COL26A1: variants seen among roughly 807,000 people sequenced by gnomAD.
The protein encoded by COL26A1 is collagen type XXVI alpha 1 chain.
COL26A1 carries 41 observed loss-of-function variants against 59.3 expected under a neutral mutation model. The ratio of observed to expected loss-of-function variants is 0.69; its 90% CI spans 0.54 to 0.90. The LOEUF is 0.90. Among genes scored for constraint, COL26A1 ranks in the 40% least tolerant of loss-of-function variants. The pLI, the probability that COL26A1 is intolerant of heterozygous loss-of-function variation, is 0.00. For synonymous variants in COL26A1, 266 were observed against 256.0 expected, an observed-to-expected ratio of 1.04 and a Z score of -0.37; for missense variants, 612 against 602.3, an observed-to-expected ratio of 1.02 and a Z score of -0.17.
At chr7:101,389,377 A>AT (rs71106518) in intron 1 of COL26A1, among the ~76,000 whole-genome samples, 116 of 89,334 alleles carry the variant, frequency 1.3e-3, no homozygotes, top group East Asian at 3.6e-3. Flanking sequence ...TGATTTGCAC[A>AT]TTTTTTTTTT....
intron 3 of COL26A1, among the ~76,000 whole-genome samples, chr7:101,500,616 G>A (rs543442623): frequency 1.3e-5 from 2 of 151,772 alleles, no homozygotes; most frequent in Non-Finnish European, 2.9e-5. Context: ...TCAGGAGTTC[G>A]AGACCAGCCT....
At chr7:101,404,993 G>A (rs1019409239) in intron 1 of COL26A1, among the ~76,000 whole-genome samples, 4 of 152,214 alleles carry the variant, frequency 2.6e-5, no homozygotes, top group African/African-American at 7.2e-5. Context: ...GGAGGCGGAG[G>A]CGGGCAGATC....
In COL26A1 at chr7:101,551,143, C is replaced by T. The variant is rs17135626; in HGVS notation, c.1029C>T (p.Ser343=). ...GAGAGCGAGGCACAGTGGGGCCGTC[C>T]GTAAGTGTGGGCTGTGCAGATGGGC... ...LAGERGTVGP[S]GEPGVKGEEG... Residue 343 remains serine, a splice_region_variant and synonymous_variant, in exon 10 of 13, where the codon TCC becomes TCT. Transcript: ENST00000313669. The T allele has an allele frequency of 0.36, 556,647 of 1,543,694 alleles. 102,696 individuals carry two copies. Among genetic ancestry groups the T allele is most frequent in the African/African-American group, 0.43 (30,978 of 72,138 alleles).
intron 1 of COL26A1, among the ~76,000 whole-genome samples, chr7:101,419,264 G>A (rs373947852): frequency 6.6e-6 from 1 of 151,678 alleles, no homozygotes; most frequent in East Asian, 1.9e-4. Flanking sequence ...GTGCCACCAC[G>A]CCTGGGCTAA....
intron 1 of COL26A1, among the ~76,000 whole-genome samples, chr7:101,392,779 A>G (rs1205888454): frequency 6.6e-6 from 1 of 152,000 alleles, no homozygotes; most frequent in East Asian, 1.9e-4. Flanking sequence ...TAGTTGTCTG[A>G]AATGTGCCTC....
At chr7:101,450,800 GAATATGAATTCCATAGTC>G (rs1793315591) in intron 3 of COL26A1, among the ~76,000 whole-genome samples, 1 of 146,868 alleles carries the variant, frequency 6.8e-6, no homozygotes, top group Non-Finnish European at 1.5e-5. Flanking sequence ...TAGTCTATAT[GAATATGAATTCCATAGTC>G]TATATGAATA....
intron 1 of COL26A1, among the ~76,000 whole-genome samples, chr7:101,394,732 C>CT (rs1791814571): frequency 6.6e-6 from 1 of 151,086 alleles, no homozygotes; most frequent in Non-Finnish European, 1.5e-5. Flanking sequence ...CAACCACACT[C>CT]TTTTCTCTCA....
intron 1 of COL26A1, among the ~76,000 whole-genome samples, chr7:101,394,602 TTG>T (rs1554404840): frequency 1.3e-5 from 2 of 148,502 alleles, no homozygotes; most frequent in African/African-American, 2.5e-5. Flanking sequence ...TTTTTTTTTT[TTG>T]TAGAGATGGG....
At chr7:101,392,488 G>A (rs1343461268) in intron 1 of COL26A1, among the ~76,000 whole-genome samples, 1 of 138,466 alleles carries the variant, frequency 7.2e-6, no homozygotes, top group Non-Finnish European at 1.5e-5. Context: ...TGCAACCTCC[G>A]CCTCCCGGGT....
At chr7:101,464,697 T>C (rs4729716) in intron 3 of COL26A1, among the ~76,000 whole-genome samples, 77,298 of 151,868 alleles carry the variant, frequency 0.51, 20,386 homozygotes, top group African/African-American at 0.64. Context: ...AGGCTTGAGC[T>C]ACCGTGCCCG....
At position 101,510,027 on chromosome 7, in the gene COL26A1, C is replaced by CTTTTTTTTTTTTTTTTTTTTTTTTTTTT. The variant is rs3073374; in HGVS notation, c.386-23041_386-23040insTTTTTTTTTTTTTTTTTTTTTTTTTTTT. On this transcript the variant is annotated intron_variant, in intron 3 of 12. Coordinates refer to ENST00000313669, the MANE Select transcript of COL26A1 (RefSeq NM_001278563.3). ...ATAGGCATAAGCCATCGCGCCCAGT[C>CTTTTTTTTTTTTTTTTTTTTTTTTTTTT]TTTTTTTTTTTTTTAAGAGGGTCTC... Among the ~76,000 whole-genome samples the CTTTTTTTTTTTTTTTTTTTTTTTTTTTT allele has an allele frequency of 2.6e-4, 32 of 122,292 alleles. 6 individuals are homozygous for CTTTTTTTTTTTTTTTTTTTTTTTTTTTT. The highest frequency in any genetic ancestry group is 1.2e-3 in the African/African-American group (29 of 24,654). The allele number at this position is 122,292 out of a possible 152,430, so 80.2% of individuals were successfully genotyped here. A position where few individuals can be genotyped will look rare whatever the true frequency, so the allele number is the denominator to read the frequency against.
At chr7:101,394,967 A>T (rs2130168019) in intron 1 of COL26A1, among the ~76,000 whole-genome samples, 1 of 137,588 alleles carries the variant, frequency 7.3e-6, no homozygotes, top group East Asian at 2.1e-4. Flanking sequence ...TCTGCCTCCC[A>T]GGTTAAGTGA....
chr7:101,444,401 C>G (rs1793134896), intron 2 of COL26A1, among the ~76,000 whole-genome samples: 1 of 145,658 alleles, frequency 6.9e-6, no homozygotes, highest in South Asian at 2.2e-4. Flanking sequence ...TCCTTCCTTT[C>G]CTTCCTTCCT....
intron 3 of COL26A1, among the ~76,000 whole-genome samples, chr7:101,456,525 G>A (rs927298767): frequency 6.6e-6 from 1 of 152,052 alleles, no homozygotes; most frequent in East Asian, 1.9e-4. Context: ...TTAGCCGGTC[G>A]TGGTGGCACA....
chr7:101,544,472 C>A (rs896008402), intron 6 of COL26A1, among the ~76,000 whole-genome samples: 11 of 151,662 alleles, frequency 7.3e-5, no homozygotes, highest in Non-Finnish European at 1.5e-4. Flanking sequence ...GATGATCCAC[C>A]CACCTTGGCC....
chr7:101,399,152 C>G (rs1393693249), intron 1 of COL26A1, among the ~76,000 whole-genome samples: 2 of 151,366 alleles, frequency 1.3e-5, no homozygotes, highest in Non-Finnish European at 2.9e-5. Context: ...CAAAAAATTT[C>G]AAAATTAGCC....
At chr7:101,529,246 T>C (rs1274802778) in intron 3 of COL26A1, among the ~76,000 whole-genome samples, 2 of 152,158 alleles carry the variant, frequency 1.3e-5, no homozygotes, top group Non-Finnish European at 2.9e-5. Flanking sequence ...ATTGGGCTTG[T>C]AGTGCACCCA....
chr7:101,395,298 A>C (rs1239688338), intron 1 of COL26A1, among the ~76,000 whole-genome samples: 1 of 152,234 alleles, frequency 6.6e-6, no homozygotes, highest in Non-Finnish European at 1.5e-5. Flanking sequence ...CCCACCACAG[A>C]CTGATTAAAA....
chr7:101,548,717 A>G (rs1458871825), intron 8 of COL26A1, among the ~76,000 whole-genome samples: 1 of 152,016 alleles, frequency 6.6e-6, no homozygotes, highest in African/African-American at 2.4e-5. Context: ...AAAGGGATGT[A>G]ACTGGGCTTG....
Sources: allele counts gnomAD v4.1 joint callset (sites outside exome capture counted in the v4.1 genomes callset), GRCh38; gene constraint gnomAD v4.1.1; transcripts MANE v1.5; gene names NCBI Gene and HGNC (gene_info 2026-07-23, HGNC 2026-07-21).